Variants in LRP5 observed in about 807,000 individuals in gnomAD.
LRP5 encodes LDL receptor related protein 5.
LRP5 carries 62 observed loss-of-function variants against 154.1 expected under a neutral mutation model. The observed-to-expected ratio is 0.40, with a 90% CI of 0.33 to 0.50. The LOEUF is 0.50. LRP5 is among the 20% of genes least tolerant of loss of function. The pLI is 0.55. For synonymous variants in LRP5, 966 were observed against 1,011.5 expected (o/e 0.96, Z 0.85); for missense variants, 1,915 against 2,336.7 (o/e 0.82, Z 3.72).
chr11:68,437,041 G>C (rs1159595857), intron 19 of LRP5, 42 bp downstream of exon 19: 2 of 1,549,582 alleles, frequency 1.3e-6, no homozygotes, highest in Non-Finnish European at 1.8e-6. Flanking sequence ...TCCGGGCTGG[G>C]TTCCCCCAGG....
chr11:68,330,981 T>C (rs2098602439), intron 1 of LRP5, among the ~76,000 whole-genome samples: 1 of 152,262 alleles, frequency 6.6e-6, no homozygotes, highest in African/African-American at 2.4e-5. Flanking sequence ...CTTCTGCCTC[T>C]AGGCCAGTGT....
intron 7 of LRP5, among the ~76,000 whole-genome samples, chr11:68,394,489 G>T (rs1217943162): frequency 6.7e-6 from 1 of 149,284 alleles, no homozygotes. Context: ...TTTTTGAGGT[G>T]GAGTCTCGCT....
At chr11:68,440,291 C>T (rs1043818441) in intron 21 of LRP5, among the ~76,000 whole-genome samples, 6 of 152,210 alleles carry the variant, frequency 3.9e-5, no homozygotes, top group African/African-American at 1.2e-4. Context: ...CACAAACACC[C>T]TGTTCTCCCA....
chr11:68,334,909 C>T (rs2098604831), intron 1 of LRP5, among the ~76,000 whole-genome samples: 1 of 152,004 alleles, frequency 6.6e-6, no homozygotes. Flanking sequence ...TATACATACA[C>T]ACGTACAGTT....
intron 5 of LRP5, among the ~76,000 whole-genome samples, chr11:68,367,630 C>T (rs2098631792): frequency 6.6e-6 from 1 of 152,348 alleles, no homozygotes; most frequent in Admixed American, 6.5e-5. Flanking sequence ...GGACCCTGCG[C>T]TCTGCAGTGT....
At chr11:68,372,500 G>A (rs1368233580) in intron 5 of LRP5, among the ~76,000 whole-genome samples, 3 of 152,072 alleles carry the variant, frequency 2.0e-5, no homozygotes, top group Admixed American at 2.0e-4. Flanking sequence ...GCAGACCGGG[G>A]ACTTGGAGCA....
rs1010303885 is a variant in LRP5 at position 68,424,288 on chromosome 11, C to T, written c.3236+591C>T. Among the ~76,000 whole-genome samples, 3 of 152,278 alleles carry T rather than the reference C, an allele frequency of 2.0e-5. No individual in the cohort carries two copies. The South Asian group carries it at 6.2e-4, about 32-fold the overall frequency. ...GATAGCTGGGGGGCTGGCATGAAGA[C>T]GGGAGCTACAGCCAGCACAGGTCCT... On this transcript the variant is annotated intron_variant, in intron 14 of 22. Transcript: ENST00000294304.
In LRP5 at chr11:68,436,816, T is replaced by G. The variant is rs1013494883; in HGVS notation, c.4001-73T>G. On this transcript the variant is annotated intron_variant, in intron 18 of 22. Transcript: ENST00000294304. Reference sequence around the variant, plus strand: ...TGCTCTCTGTTTGGAGTCCAGACCTTGGTTGCTGTGCCCTGCATGGTGGGC... The same window carrying G: ...TGCTCTCTGTTTGGAGTCCAGACCTGGGTTGCTGTGCCCTGCATGGTGGGC... 1.1e-5 allele frequency: 12 copies of G among 1,067,852 alleles called. No homozygotes were observed. In the African/African-American group the frequency reaches 1.7e-4, roughly 15 times the overall value. 66.1% of individuals were successfully genotyped at this position (1,067,852 alleles called of 1,614,324 possible). A position where few individuals can be genotyped will look rare whatever the true frequency, so the allele number is the denominator to read the frequency against.
intron 9 of LRP5, among the ~76,000 whole-genome samples, chr11:68,409,222 A>G (rs1212400346): frequency 1.7e-5 from 1 of 60,346 alleles, no homozygotes; most frequent in Non-Finnish European, 3.8e-5. Context: ...TATATAATAT[A>G]TAATATAAAA....
chr11:68,398,783 T>G (rs1037369016), intron 7 of LRP5, among the ~76,000 whole-genome samples: 2 of 152,142 alleles, frequency 1.3e-5, no homozygotes, highest in Non-Finnish European at 2.9e-5. Context: ...TCACCCAGGC[T>G]GGAGTGCAGT....
At position 68,386,488 on chromosome 11, in the gene LRP5, C is replaced by T. The variant is rs2098643111; in HGVS notation, c.1188C>T (p.Ala396=). The T allele has an allele frequency of 1.9e-6, 3 of 1,614,112 alleles. No individual in the cohort carries two copies. The highest frequency in any genetic ancestry group is 2.7e-5 in the African/African-American group (2 of 75,062). Residue 396 remains alanine (A), a synonymous_variant, in exon 6 of 23, where the codon GCC becomes GCT. Coordinates refer to ENST00000294304, the MANE Select transcript of LRP5 (RefSeq NM_002335.4). This position sits in a 1 kb window ranked among gnomAD's most constrained non-coding sequence, Gnocchi z 7.9. ...ACTGGACAGATGACGAGGTGCGGGC[C>T]ATCCGCAGGGCGTACCTGGACGGGT... ...YVYWTDDEVR[A]IRRAYLDGSG...
At chr11:68,350,659 G>A (rs2098617578) in intron 2 of LRP5, among the ~76,000 whole-genome samples, 1 of 152,262 alleles carries the variant, frequency 6.6e-6, no homozygotes, top group African/African-American at 2.4e-5. Context: ...TAGTGGGAAT[G>A]AGGGTGTGGG....
intron 21 of LRP5, among the ~76,000 whole-genome samples, chr11:68,441,697 C>G (rs2098678314): frequency 6.6e-6 from 1 of 152,184 alleles, no homozygotes; most frequent in Non-Finnish European, 1.5e-5. Flanking sequence ...GGATCTTAAT[C>G]AGGCAATAAG....
chr11:68,338,405 T>C (rs2098606891), intron 1 of LRP5, among the ~76,000 whole-genome samples: 1 of 152,186 alleles, frequency 6.6e-6, no homozygotes, highest in South Asian at 2.1e-4. Flanking sequence ...TTGGATATGC[T>C]TACATGGGTT....
intron 2 of LRP5, among the ~76,000 whole-genome samples, chr11:68,348,619 C>T (rs970327379): frequency 1.3e-5 from 2 of 150,168 alleles, no homozygotes; most frequent in African/African-American, 2.5e-5. Flanking sequence ...GGGGTTGGCT[C>T]AGGCCTGTAA....
Position 68,413,732 on chromosome 11 carries a change from C to T in LRP5, c.2547C>T (p.Phe849=), listed in dbSNP as rs771492871. Reference sequence around the variant, plus strand: ...TTGCCGACGATCTCCCGCACCCGTTCGGTCTGACGCAGTACAGCGATTATA... The same window carrying T: ...TTGCCGACGATCTCCCGCACCCGTTTGGTCTGACGCAGTACAGCGATTATA... ...VVIADDLPHP[F]GLTQYSDYIY... Residue 849 remains phenylalanine, a synonymous_variant, in exon 12 of 23, where the codon TTC becomes TTT. Transcript: ENST00000294304. This position sits in a 1 kb window ranked among gnomAD's most constrained non-coding sequence, Gnocchi z 5.1. 7.9e-5 allele frequency: 128 copies of T among 1,613,548 alleles called. No homozygotes were observed. In the East Asian group the frequency reaches 8.9e-4, roughly 11 times the overall value.
intron 22 of LRP5, among the ~76,000 whole-genome samples, chr11:68,446,829 GC>G (rs1399834146): frequency 1.3e-5 from 2 of 152,208 alleles, no homozygotes; most frequent in Non-Finnish European, 2.9e-5. Flanking sequence ...GCGTCGAGGG[GC>G]CGGGGGCTTG....
intron 13 of LRP5, among the ~76,000 whole-genome samples, chr11:68,421,686 C>CTGTGTGTGTGTG (rs148066763): frequency 1.9e-3 from 254 of 133,372 alleles, no homozygotes; most frequent in Non-Finnish European, 2.6e-3. Context: ...CCCAGCAAGG[C>CTGTGTGTGTGTG]TGTGTGTGTG....
At chr11:68,414,283 G>A (rs975168221) in intron 12 of LRP5, among the ~76,000 whole-genome samples, 1 of 152,280 alleles carries the variant, frequency 6.6e-6, no homozygotes, top group South Asian at 2.1e-4. Context: ...CAGTCACAGG[G>A]GAAGGGTGCT....
Sources: allele counts gnomAD v4.1 joint callset (sites outside exome capture counted in the v4.1 genomes callset), GRCh38; gene constraint gnomAD v4.1.1; non-coding constraint Gnocchi (gnomAD v3.1); transcripts MANE v1.5; gene names NCBI Gene and HGNC (gene_info 2026-07-23, HGNC 2026-07-21).